The following GRID2 variants were observed in gnomAD, a reference collection of about 807,000 sequenced individuals.
The protein encoded by GRID2 is glutamate receptor ionotropic, delta-2.
Under a neutral mutation model 114.8 loss-of-function variants are expected in GRID2, and 33 were observed. That is an observed-to-expected ratio of 0.29 (90% CI 0.22 to 0.38). The LOEUF is 0.38. GRID2 is among the 10% of genes least tolerant of loss of function. The pLI is 1.00. For missense variants in GRID2, 1,184 were observed against 1,257.7 expected, an observed-to-expected ratio of 0.94 and a Z score of 0.89; for synonymous variants, 505 against 449.9, an observed-to-expected ratio of 1.12 and a Z score of -1.55.
chr4:93,752,547 C>T (rs1231501435), intron 14 of GRID2, among the ~76,000 whole-genome samples: 2 of 151,840 alleles, frequency 1.3e-5, no homozygotes, highest in South Asian at 2.1e-4. Flanking sequence ...ATATTTTGTA[C>T]GTTTAGTAGA....
At chr4:92,977,083 G>A (rs1753925914) in intron 2 of GRID2, among the ~76,000 whole-genome samples, 3 of 152,064 alleles carry the variant, frequency 2.0e-5, no homozygotes, top group Admixed American at 2.0e-4. Flanking sequence ...TATGTATTGG[G>A]CTCTGGGAAA....
chr4:93,578,578 G>GTTTTTTTTTTTTTTTT (rs1736640253), intron 13 of GRID2, among the ~76,000 whole-genome samples: 1 of 129,856 alleles, frequency 7.7e-6, no homozygotes, highest in Admixed American at 7.4e-5. Flanking sequence ...ACCTTGTCTT[G>GTTTTTTTTTTTTTTTT]TTTTTTGTAT....
At chr4:92,549,948 G>A (rs1215245964) in intron 1 of GRID2, among the ~76,000 whole-genome samples, 4 of 152,032 alleles carry the variant, frequency 2.6e-5, no homozygotes, top group Admixed American at 1.3e-4. Flanking sequence ...AAAACTCAAA[G>A]AGACAACCCA....
intron 1 of GRID2, among the ~76,000 whole-genome samples, chr4:92,535,889 A>T (rs1354672383): frequency 2.6e-5 from 4 of 152,080 alleles, no homozygotes. Context: ...TGAGCGTTAC[A>T]GCTCATAAAG....
At chr4:92,741,801 G>A (rs1736907016) in intron 2 of GRID2, among the ~76,000 whole-genome samples, 1 of 152,140 alleles carries the variant, frequency 6.6e-6, no homozygotes, top group Non-Finnish European at 1.5e-5. Context: ...TTCATTATAA[G>A]CAAAGAACAG....
chr4:92,493,206 G>T (rs769381752), intron 1 of GRID2, among the ~76,000 whole-genome samples: 5 of 151,748 alleles, frequency 3.3e-5, no homozygotes, highest in Non-Finnish European at 5.9e-5. Context: ...GAAAAAAGTG[G>T]TTTTTATCCT....
At chr4:93,785,396 G>C (rs181024335) in intron 1 of GRID2, among the ~76,000 whole-genome samples, 1 of 152,264 alleles carries the variant, frequency 6.6e-6, no homozygotes, top group Admixed American at 6.5e-5. Context: ...TAGAGAATGG[G>C]ATTCCAAGTT....
chr4:93,579,431 C>G (rs1358801904), intron 13 of GRID2, among the ~76,000 whole-genome samples: 1 of 151,918 alleles, frequency 6.6e-6, no homozygotes, highest in Non-Finnish European at 1.5e-5. Context: ...CGGTCATTTC[C>G]ACACAATTAA....
chr4:92,724,993 C>T (rs376430843), intron 2 of GRID2, among the ~76,000 whole-genome samples: 4 of 152,028 alleles, frequency 2.6e-5, no homozygotes, highest in African/African-American at 7.2e-5. Context: ...CTATTACCAC[C>T]GTTTATTAAG....
intron 1 of GRID2, among the ~76,000 whole-genome samples, chr4:92,352,772 G>A (rs1482278837): frequency 2.0e-5 from 3 of 149,910 alleles, no homozygotes; most frequent in Admixed American, 6.7e-5. Flanking sequence ...TAAATTTGTT[G>A]TTGTTGAGTA....
intron 2 of GRID2, among the ~76,000 whole-genome samples, chr4:92,759,417 A>T (rs925085040): frequency 6.6e-6 from 1 of 151,940 alleles, no homozygotes; most frequent in Non-Finnish European, 1.5e-5. Flanking sequence ...AATCCCATTC[A>T]TATTTAAGGC....
intron 8 of GRID2, chr4:93,282,318 C>T: frequency 2.5e-6 from 1 of 398,938 alleles, no homozygotes; most frequent in Non-Finnish European, 5.0e-6. Flanking sequence ...TTTTGGGCTG[C>T]TATGACAGAA....
At chr4:92,315,098 A>G (rs1360563285) in intron 1 of GRID2, among the ~76,000 whole-genome samples, 1 of 152,158 alleles carries the variant, frequency 6.6e-6, no homozygotes, top group Non-Finnish European at 1.5e-5. Flanking sequence ...TAGTTCTTTC[A>G]TTAGTATTAA....
chr4:93,258,808 ATCTAT>A (rs1451511425), intron 8 of GRID2: 2 of 423,976 alleles, frequency 4.7e-6, no homozygotes, highest in African/African-American at 4.1e-5. Context: ...TTATTTATTG[ATCTAT>A]TCTTTCTATA....
intron 3 of GRID2, among the ~76,000 whole-genome samples, chr4:93,093,928 G>C (rs149379082): frequency 0.013 from 1,961 of 152,126 alleles, 22 homozygotes; most frequent in Non-Finnish European, 0.018. Context: ...CTACTATCAA[G>C]TTCAACCAAG....
intron 2 of GRID2, among the ~76,000 whole-genome samples, chr4:92,794,108 G>GT (rs1196717815): frequency 6.6e-6 from 1 of 151,796 alleles, no homozygotes; most frequent in Non-Finnish European, 1.5e-5. Context: ...GCAAATAAGT[G>GT]TAAATCTTTT....
chr4:93,632,897 C>A (rs1425742439), intron 14 of GRID2, among the ~76,000 whole-genome samples: 1 of 152,102 alleles, frequency 6.6e-6, no homozygotes, highest in Non-Finnish European at 1.5e-5. Flanking sequence ...TTTTGTTGAG[C>A]AGTAGTTTGT....
chr4:92,982,855 A>G (rs1754300820), intron 2 of GRID2, among the ~76,000 whole-genome samples: 1 of 152,144 alleles, frequency 6.6e-6, no homozygotes, highest in South Asian at 2.1e-4. Flanking sequence ...TAATTTAACA[A>G]ACACTCATTA....
At chr4:93,649,086 T>C (rs1006811173) in intron 14 of GRID2, among the ~76,000 whole-genome samples, 1 of 152,144 alleles carries the variant, frequency 6.6e-6, no homozygotes, top group African/African-American at 2.4e-5. Context: ...TCCACTTATT[T>C]CCTTTCTTCT....
Sources: gnomAD v4.1 joint callset for allele counts (sites outside exome capture counted in the v4.1 genomes callset) on GRCh38, gnomAD v4.1.1 for gene constraint, MANE v1.5 for transcripts, NCBI Gene and HGNC (gene_info 2026-07-23, HGNC 2026-07-21) for gene names.